The following MED12L variants were observed in gnomAD, a reference collection of about 807,000 sequenced individuals.
MED12L encodes the protein mediator of RNA polymerase II transcription subunit 12-like protein.
Under a neutral mutation model 281.3 loss-of-function variants are expected in MED12L, and 60 were observed. The observed-to-expected ratio is 0.21, with a 90% CI of 0.17 to 0.26. The LOEUF is 0.26. MED12L is among the 10% of genes least tolerant of loss of function. The probability of loss-of-function intolerance (pLI) is 1.00; values close to 1 mark genes in which losing one functional copy is unlikely to be tolerated. For synonymous variants in MED12L, 974 were observed against 987.2 expected (o/e 0.99, Z 0.25); for missense variants, 2,146 against 2,680.9 (o/e 0.80, Z 4.41).
chr3:151,400,741 T>C (rs539829641), intron 39 of MED12L, among the ~76,000 whole-genome samples: 7 of 152,318 alleles, frequency 4.6e-5, no homozygotes, highest in African/African-American at 1.7e-4. Context: ...TCTCCCACCC[T>C]AAGGAAATGG....
rs562906690 is a variant in MED12L at position 151,330,972 on chromosome 3, T to A, written c.2251-19087T>A. 7.9e-5 allele frequency among the ~76,000 whole-genome samples: 12 copies of A among 152,312 alleles called. No homozygotes were observed. The South Asian group carries it at 2.5e-3, about 32-fold the overall frequency. Reference sequence around the variant, plus strand: ...TTTTCCTATAGCCCCAAATCCATAATCTAAAGGAAGATCTGGAATAGTTTT... The same window carrying A: ...TTTTCCTATAGCCCCAAATCCATAAACTAAAGGAAGATCTGGAATAGTTTT... On this transcript the variant is annotated intron_variant, in intron 16 of 44. Transcript: ENST00000687756.
chr3:151,263,541 C>T (rs534585348), intron 16 of MED12L, among the ~76,000 whole-genome samples: 1 of 152,240 alleles, frequency 6.6e-6, no homozygotes, highest in East Asian at 1.9e-4. Flanking sequence ...TCCAAAATAT[C>T]ATGAGCTTTA....
At position 151,433,145 on chromosome 3, in the gene MED12L, A is replaced by T; in HGVS notation, c.*341A>T. The T allele has an allele frequency of 5.3e-6, 1 of 188,034 alleles. No homozygotes were observed. The highest frequency in any genetic ancestry group is 2.1e-3 in the Middle Eastern group (1 of 470). The allele number at this position is 188,034 out of a possible 1,614,324, so 11.6% of individuals were successfully genotyped here. A position where few individuals can be genotyped will look rare whatever the true frequency, so the allele number is the denominator to read the frequency against. On this transcript the variant is annotated 3_prime_UTR_variant, in exon 45 of 45. Coordinates refer to ENST00000687756, the MANE Select transcript of MED12L (RefSeq NM_001393769.1). ...GAATGGATTATGATGGATCTAAGGT[A>T]TTTATGTATTTCATTCATTAATGAT...
chr3:151,224,523 T>C (rs937575222), intron 16 of MED12L, among the ~76,000 whole-genome samples: 2 of 152,236 alleles, frequency 1.3e-5, no homozygotes. Flanking sequence ...TATAGTTGTG[T>C]TATTACATTT....
At chr3:151,161,728 A>G (rs1448950038) in intron 8 of MED12L, among the ~76,000 whole-genome samples, 1 of 152,230 alleles carries the variant, frequency 6.6e-6, no homozygotes, top group Non-Finnish European at 1.5e-5. Context: ...TAGATTACAG[A>G]GCAAGAAAGT....
intron 43 of MED12L, among the ~76,000 whole-genome samples, chr3:151,425,007 A>G (rs913883265): frequency 6.6e-6 from 1 of 152,176 alleles, no homozygotes; most frequent in African/African-American, 2.4e-5. Flanking sequence ...TGCCCTTGGA[A>G]CCCAGAAGAT....
intron 28 of MED12L, 27 bp from the exon 29 acceptor site, chr3:151,376,773 T>C: frequency 2.5e-6 from 4 of 1,585,998 alleles, no homozygotes; most frequent in Non-Finnish European, 3.5e-6. Flanking sequence ...ATACCCATAA[T>C]GTTTTAATTC....
chr3:151,354,161 A>AAAAAAAAAAAAAC (rs1753634275), intron 17 of MED12L, among the ~76,000 whole-genome samples: 1 of 150,746 alleles, frequency 6.6e-6, no homozygotes, highest in African/African-American at 2.4e-5. Context: ...AAAAAAAAAA[A>AAAAAAAAAAAAAC]AAAGAATCAC....
intron 21 of MED12L, among the ~76,000 whole-genome samples, chr3:151,361,575 T>G (rs1754619308): frequency 6.6e-6 from 1 of 152,186 alleles, no homozygotes; most frequent in African/African-American, 2.4e-5. Flanking sequence ...AAGGAATATT[T>G]TATTGTTTAA....
At chr3:151,300,256 A>T in intron 16 of MED12L, 1 of 683,794 alleles carries the variant, frequency 1.5e-6, no homozygotes, top group Non-Finnish European at 2.7e-6. Flanking sequence ...TTAAAATACA[A>T]CATTTTGGTC....
intron 5 of MED12L, among the ~76,000 whole-genome samples, chr3:151,138,788 C>T (rs765043063): frequency 6.6e-6 from 1 of 152,170 alleles, no homozygotes; most frequent in Admixed American, 6.5e-5. Flanking sequence ...CCTTGATCAC[C>T]TGGCTGAGGT....
In MED12L at chr3:151,436,383, T is replaced by TA. The variant is rs1438222183; in HGVS notation, c.*3580dup. On this transcript the variant is annotated 3_prime_UTR_variant, in exon 45 of 45. Coordinates refer to ENST00000687756, the MANE Select transcript of MED12L (RefSeq NM_001393769.1). Reference sequence around the variant, plus strand: ...AACTGGTATTAGAAGTTCATTTTTTTACTGAAAAATTCAGGTACATTAGCC... The same window carrying TA: ...AACTGGTATTAGAAGTTCATTTTTTTAACTGAAAAATTCAGGTACATTAGCC... 5 of 232,122 alleles carry TA rather than the reference T, an allele frequency of 2.2e-5. No individual in the cohort carries two copies. The highest frequency in any genetic ancestry group is 4.2e-5 in the Non-Finnish European group (5 of 118,842). 14.4% of individuals were successfully genotyped at this position (232,122 alleles called of 1,614,324 possible).
intron 16 of MED12L, among the ~76,000 whole-genome samples, chr3:151,270,435 C>A (rs770594646): frequency 2.6e-5 from 4 of 152,086 alleles, no homozygotes; most frequent in Non-Finnish European, 5.9e-5. Flanking sequence ...ACTGAACTCT[C>A]TGGGGAAAAA....
chr3:151,285,231 T>G (rs1362000473), intron 16 of MED12L, among the ~76,000 whole-genome samples: 1 of 151,770 alleles, frequency 6.6e-6, no homozygotes, highest in East Asian at 2.0e-4. Context: ...ACGCCTGTAA[T>G]CCCAGCACTT....
intron 16 of MED12L, chr3:151,338,556 C>T: frequency 6.2e-7 from 1 of 1,613,976 alleles, no homozygotes; most frequent in Non-Finnish European, 8.5e-7. Context: ...GGTAACTTGA[C>T]ACACAAAAGT....
At chr3:151,360,679 A>T in intron 21 of MED12L, 74 bp downstream of exon 21, 1 of 1,346,932 alleles carries the variant, frequency 7.4e-7, no homozygotes, top group Non-Finnish European at 1.0e-6. Context: ...CAATATTGTC[A>T]TCCTTTTGAA....
intron 11 of MED12L, among the ~76,000 whole-genome samples, chr3:151,169,571 T>G (rs1437647174): frequency 1.3e-5 from 2 of 152,224 alleles, no homozygotes; most frequent in African/African-American, 2.4e-5. Context: ...CATAGAGTAC[T>G]TGCCCTTTTT....
At chr3:151,352,920 CAT>C (rs1313039589) in intron 17 of MED12L, among the ~76,000 whole-genome samples, 1 of 152,020 alleles carries the variant, frequency 6.6e-6, no homozygotes. Context: ...AGCAAATTAA[CAT>C]AAGAAAGATG....
intron 16 of MED12L, among the ~76,000 whole-genome samples, chr3:151,280,406 C>A (rs185363578): frequency 1.1e-3 from 169 of 152,334 alleles, no homozygotes; most frequent in Non-Finnish European, 1.7e-3. Flanking sequence ...TCTACTACTT[C>A]TTCCCCACCT....
Sources: allele counts gnomAD v4.1 joint callset (sites outside exome capture counted in the v4.1 genomes callset), GRCh38; gene constraint gnomAD v4.1.1; transcripts MANE v1.5; gene names NCBI Gene and HGNC (gene_info 2026-07-23, HGNC 2026-07-21).